L3MBTL4: variants seen among roughly 807,000 people sequenced by gnomAD.
The protein encoded by L3MBTL4 is L3MBTL histone methyl-lysine binding protein 4.
L3MBTL4 carries 70 observed loss-of-function variants against 84.5 expected under a neutral mutation model. The ratio of observed to expected loss-of-function variants is 0.83; its 90% CI spans 0.68 to 1.01. The LOEUF is 1.01. Ranked by LOEUF, L3MBTL4 falls within the 50% of genes least tolerant of loss-of-function variation. The pLI is 0.00. For synonymous variants in L3MBTL4, 274 were observed against 259.8 expected, an observed-to-expected ratio of 1.05 and a Z score of -0.52; for missense variants, 715 against 754.8, an observed-to-expected ratio of 0.95 and a Z score of 0.62.
chr18:6,036,142 C>T (rs694182), intron 16 of L3MBTL4, among the ~76,000 whole-genome samples: 55,712 of 151,988 alleles, frequency 0.37, 10,659 homozygotes, highest in East Asian at 0.51. Context: ...TTTGAAAGTA[C>T]GATTAGTGTT....
At chr18:6,311,749 C>A in intron 2 of L3MBTL4, 93 bp from the exon 3 acceptor site, 1 of 736,112 alleles carries the variant, frequency 1.4e-6, no homozygotes, top group Non-Finnish European at 2.4e-6. Context: ...AATTATACTT[C>A]TCATAGTTGG....
intron 12 of L3MBTL4, among the ~76,000 whole-genome samples, chr18:6,204,537 C>T (rs910408640): frequency 1.3e-5 from 2 of 152,224 alleles, no homozygotes; most frequent in Non-Finnish European, 2.9e-5. Context: ...TCCATATATA[C>T]ATGCATGTAT....
At chr18:6,191,613 C>T (rs904358889) in intron 12 of L3MBTL4, among the ~76,000 whole-genome samples, 2 of 152,090 alleles carry the variant, frequency 1.3e-5, no homozygotes, top group African/African-American at 4.8e-5. Context: ...TAAAGCAGTG[C>T]CATTTGAGGA....
At chr18:6,214,556 G>A (rs1036595081) in intron 11 of L3MBTL4, among the ~76,000 whole-genome samples, 1 of 152,188 alleles carries the variant, frequency 6.6e-6, no homozygotes, top group Non-Finnish European at 1.5e-5. Flanking sequence ...CAACTAATAT[G>A]TCAGTAATAA....
At chr18:6,041,589 T>C (rs567945051) in intron 16 of L3MBTL4, among the ~76,000 whole-genome samples, 7 of 151,918 alleles carry the variant, frequency 4.6e-5, no homozygotes, top group African/African-American at 1.4e-4. Flanking sequence ...TGTGCGTGCA[T>C]AGGCTGTCAT....
At chr18:6,256,223 G>A (rs1466451733) in intron 5 of L3MBTL4, among the ~76,000 whole-genome samples, 3 of 152,150 alleles carry the variant, frequency 2.0e-5, no homozygotes, top group African/African-American at 4.8e-5. Context: ...ACATGTGCAC[G>A]TCTTTCAGAT....
chr18:6,097,485 G>A (rs2058679607), intron 14 of L3MBTL4, among the ~76,000 whole-genome samples: 1 of 152,164 alleles, frequency 6.6e-6, no homozygotes, highest in Non-Finnish European at 1.5e-5. Flanking sequence ...CATTTTGGGT[G>A]TGGTCCAGGA....
At chr18:6,361,732 T>C (rs1281247510) in intron 1 of L3MBTL4, among the ~76,000 whole-genome samples, 6 of 151,940 alleles carry the variant, frequency 3.9e-5, no homozygotes, top group African/African-American at 1.2e-4. Context: ...TATGCAGGGG[T>C]TCCACAGATG....
At chr18:6,247,466 ATTTTTTTTT>A (rs71163266) in intron 5 of L3MBTL4, among the ~76,000 whole-genome samples, 2 of 49,642 alleles carry the variant, frequency 4.0e-5, no homozygotes, top group African/African-American at 1.0e-4. Flanking sequence ...CCCTCCTCTG[ATTTTTTTTT>A]TTTTTTTTTT....
Position 6,020,013 on chromosome 18 carries a change from G to A in L3MBTL4, c.1445-50451C>T, listed in dbSNP as rs370128260. ...GTACCTACTGTGTGCCAGACCCTAA[G>A]TTGGGCAATGCAGATATAGGGAGGA... On this transcript the variant is annotated intron_variant, in intron 16 of 18. Transcript: ENST00000317931. Among the ~76,000 whole-genome samples, 15 of 152,288 alleles carry A rather than the reference G, an allele frequency of 9.8e-5. No individual in the cohort carries two copies. The East Asian group carries it at 1.3e-3, about 14-fold the overall frequency.
At chr18:6,115,558 C>T (rs1399364149) in intron 14 of L3MBTL4, among the ~76,000 whole-genome samples, 1 of 152,156 alleles carries the variant, frequency 6.6e-6, no homozygotes, top group Non-Finnish European at 1.5e-5. Context: ...CAACTACCTA[C>T]AAGGCGATGC....
At chr18:5,993,631 G>T (rs2053807579) in intron 16 of L3MBTL4, among the ~76,000 whole-genome samples, 1 of 151,350 alleles carries the variant, frequency 6.6e-6, no homozygotes, top group African/African-American at 2.4e-5. Flanking sequence ...GCTCACCAAA[G>T]AAAATAATTC....
At chr18:6,134,751 C>T (rs1457568280) in intron 14 of L3MBTL4, among the ~76,000 whole-genome samples, 2 of 152,192 alleles carry the variant, frequency 1.3e-5, no homozygotes, top group African/African-American at 4.8e-5. Flanking sequence ...TTGCAGGGTA[C>T]AGCCTCCCTC....
At position 5,960,094 on chromosome 18, in the gene L3MBTL4, C is replaced by T; in HGVS notation, c.1677G>A (p.Glu559=). 7.0e-7 allele frequency: 1 copy of T among 1,427,744 alleles called. No homozygotes were observed. The highest frequency in any genetic ancestry group is 9.3e-7 in the Non-Finnish European group (1 of 1,073,078). The allele number at this position is 1,427,744 out of a possible 1,614,324, so 88.4% of individuals were successfully genotyped here. ...TATATATAATTTTTGCATCTCTTAC[C>T]TCTTTCTTAAAGCACTTGGCATGCT... is the stretch of plus-strand genomic sequence containing the variant. ...CEEHAKCFKK[E]QIDGKAFLLL... Residue 559 remains glutamate (E), a splice_region_variant and synonymous_variant, in exon 18 of 19, where the codon GAG becomes GAA. Transcript: ENST00000317931.
intron 14 of L3MBTL4, among the ~76,000 whole-genome samples, chr18:6,114,639 A>G (rs1246570640): frequency 6.6e-6 from 1 of 152,212 alleles, no homozygotes; most frequent in African/African-American, 2.4e-5. Flanking sequence ...CATTTCCAGA[A>G]TTGCATCACT....
intron 10 of L3MBTL4, among the ~76,000 whole-genome samples, chr18:6,216,652 GC>G (rs1166579896): frequency 2.2e-4 from 33 of 152,172 alleles, no homozygotes; most frequent in African/African-American, 7.7e-4. Flanking sequence ...CAATGAACCT[GC>G]CATTGTTGCC....
At chr18:6,395,563 G>A (rs970910669) in intron 1 of L3MBTL4, 11 of 152,032 alleles carry the variant, frequency 7.2e-5, no homozygotes, top group East Asian at 1.9e-4. Context: ...TACTGTTCTC[G>A]GTCCTAAAAA....
intron 16 of L3MBTL4, among the ~76,000 whole-genome samples, chr18:6,021,508 C>T (rs1334978841): frequency 6.6e-6 from 1 of 152,112 alleles, no homozygotes; most frequent in African/African-American, 2.4e-5. Flanking sequence ...TTGGAAGCAC[C>T]GCGGCGTGCC....
intron 1 of L3MBTL4, among the ~76,000 whole-genome samples, chr18:6,356,494 G>C (rs2053451910): frequency 1.3e-5 from 2 of 152,234 alleles, no homozygotes; most frequent in East Asian, 1.9e-4. Context: ...AAACATCATA[G>C]TGCAATTACA....
Sources: gnomAD v4.1 joint callset for allele counts (sites outside exome capture counted in the v4.1 genomes callset) on GRCh38, gnomAD v4.1.1 for gene constraint, MANE v1.5 for transcripts, NCBI Gene and HGNC (gene_info 2026-07-23, HGNC 2026-07-21) for gene names.